PDE12: variants seen among roughly 807,000 people sequenced by gnomAD.
PDE12 encodes phosphodiesterase 12.
A neutral mutation model predicts 45.4 loss-of-function variants in PDE12; 26 were observed. The ratio of observed to expected loss-of-function variants is 0.57; its 90% CI spans 0.42 to 0.79. The LOEUF (loss-of-function observed/expected upper bound fraction) is 0.79, where lower values mean the gene tolerates loss of function less well. Among genes scored for constraint, PDE12 ranks in the 30% least tolerant of loss-of-function variants. PDE12 has a pLI of 0.00. For missense variants in PDE12, 668 were observed against 790.0 expected (o/e 0.85, Z 1.85); for synonymous variants, 283 against 323.9 (o/e 0.87, Z 1.36).
the PDE12 span, among the ~76,000 whole-genome samples, chr3:57,583,153 C>A: frequency 6.6e-6 from 1 of 152,216 alleles, no homozygotes; most frequent in African/African-American, 2.4e-5. Context: ...AGTATCAGCA[C>A]AACCCGAGAA....
At chr3:57,632,026 T>TTC in the PDE12 span, among the ~76,000 whole-genome samples, 1 of 126,420 alleles carries the variant, frequency 7.9e-6, no homozygotes, top group East Asian at 2.5e-4. Context: ...CCGGCCTTTT[T>TTC]TTTTTTTTTT....
chr3:57,631,728 T>C, the PDE12 span, among the ~76,000 whole-genome samples: 4 of 143,926 alleles, frequency 2.8e-5, no homozygotes, highest in East Asian at 8.1e-4. Context: ...TTTTTTTTTT[T>C]TTTTTTTTTT....
At chr3:57,637,480 C>G in the PDE12 span, among the ~76,000 whole-genome samples, 2 of 152,136 alleles carry the variant, frequency 1.3e-5, no homozygotes, top group African/African-American at 4.8e-5. Flanking sequence ...TGTGCCTTCC[C>G]TCTTGGTTCT....
At chr3:57,636,776 A>C in the PDE12 span, among the ~76,000 whole-genome samples, 1 of 151,996 alleles carries the variant, frequency 6.6e-6, no homozygotes, top group Non-Finnish European at 1.5e-5. Flanking sequence ...GTCTCCACTA[A>C]AAATACAAAA....
the PDE12 span, among the ~76,000 whole-genome samples, chr3:57,599,600 A>T: frequency 1.3e-5 from 2 of 152,214 alleles, no homozygotes; most frequent in African/African-American, 4.8e-5. Context: ...TCTGTTCTCC[A>T]TCTCTAGCCT....
At chr3:57,597,246 A>C in the PDE12 span, 6 of 1,133,728 alleles carry the variant, frequency 5.3e-6, no homozygotes, top group Non-Finnish European at 7.7e-6. Flanking sequence ...GAAGAGAAAG[A>C]GCGGAGGAAG....
chr3:57,599,007 A>G, the PDE12 span, among the ~76,000 whole-genome samples: 1 of 152,198 alleles, frequency 6.6e-6, no homozygotes, highest in African/African-American at 2.4e-5. Flanking sequence ...AGTTGAGGAC[A>G]CGCGTCCATG....
In PDE12 at chr3:57,556,396, G is replaced by T. The variant is rs2069658401; in HGVS notation, c.17G>T (p.Gly6Val). MWRLP[G>V]ARAALRVIRT... ...ACCAGGTTCATGTGGAGGCTCCCAG[G>T]CGCCCGCGCCGCGCTTCGGGTGATC... The change falls in exon 1 of 3, where the codon GGC (glycine) becomes GTC (valine). Residue 6 changes from glycine to valine, a missense_variant. Physicochemically the swap from Gly to Val is moderately radical, Grantham distance 109 (BLOSUM62 -3). This residue lies in a region of PDE12 where 580 missense variants were observed against 662.9 expected (regional missense o/e 0.87). Coordinates refer to ENST00000311180, the MANE Select transcript of PDE12 (RefSeq NM_177966.7). This position sits in a 1 kb window ranked among gnomAD's most constrained non-coding sequence, Gnocchi z 5.0. 2 of 1,588,672 alleles carry T rather than the reference G, an allele frequency of 1.3e-6. No individual in the cohort carries two copies. Among genetic ancestry groups the T allele is most frequent in the Admixed American group, 3.5e-5 (2 of 56,366 alleles).
chr3:57,608,475 G>C, the PDE12 span, among the ~76,000 whole-genome samples: 1 of 152,038 alleles, frequency 6.6e-6, no homozygotes, highest in Non-Finnish European at 1.5e-5. Flanking sequence ...CCATCAGTGT[G>C]CTGTATTCAG....
chr3:57,557,374 A>G lies in PDE12; in HGVS notation c.995A>G (p.Gln332Arg), dbSNP rs149618070. Residue 332 changes from glutamine to arginine, a missense_variant, in exon 1 of 3, where the codon CAG becomes CGG. This residue lies in a region of PDE12 where 580 missense variants were observed against 662.9 expected (regional missense o/e 0.87). Transcript: ENST00000311180. ...TACGCCCTGGAGCTCGACTACCGCC[A>G]GAACCTTATCCAGAAGGAACTCACC... ...APYALELDYR[Q>R]NLIQKELTGY... 2.5e-4 allele frequency: 405 copies of G among 1,613,910 alleles called. No homozygotes were observed. Among genetic ancestry groups the G allele is most frequent in the Non-Finnish European group, 3.4e-4 (400 of 1,180,022 alleles).
chr3:57,621,268 G>A, the PDE12 span, among the ~76,000 whole-genome samples: 1 of 152,088 alleles, frequency 6.6e-6, no homozygotes, highest in East Asian at 1.9e-4. Flanking sequence ...TGGGACAATT[G>A]GATATTCATA....
At chr3:57,604,615 TTTG>T in the PDE12 span, among the ~76,000 whole-genome samples, 1,286 of 23,456 alleles carry the variant, frequency 0.055, 28 homozygotes, top group Non-Finnish European at 0.097. Flanking sequence ...TTTTTTTTTT[TTTG>T]GGGGGGGTGG....
chr3:57,578,777 C>T, the PDE12 span, among the ~76,000 whole-genome samples: 113,720 of 151,978 alleles, frequency 0.75, 44,632 homozygotes, highest in East Asian at 1. Context: ...TGGCACCTGG[C>T]CCATTATTAG....
chr3:57,590,793 C>T, the PDE12 span, among the ~76,000 whole-genome samples: 5 of 152,264 alleles, frequency 3.3e-5, no homozygotes, highest in South Asian at 4.1e-4. Flanking sequence ...ATCCTCCCAC[C>T]TCAGCCTCCC....
the PDE12 span, among the ~76,000 whole-genome samples, chr3:57,599,799 A>G: frequency 2.6e-5 from 4 of 152,020 alleles, no homozygotes; most frequent in Non-Finnish European, 5.9e-5. Flanking sequence ...AGCTAAAAGC[A>G]GTGGAACAGC....
At chr3:57,609,495 A>T in the PDE12 span, among the ~76,000 whole-genome samples, 1 of 152,196 alleles carries the variant, frequency 6.6e-6, no homozygotes, top group Non-Finnish European at 1.5e-5. Flanking sequence ...TGCAAGCAAG[A>T]CTAATAAGAA....
At chr3:57,611,736 CAG>C in the PDE12 span, among the ~76,000 whole-genome samples, 1 of 152,166 alleles carries the variant, frequency 6.6e-6, no homozygotes, top group Non-Finnish European at 1.5e-5. Context: ...CAGGAAACAA[CAG>C]GTGCTAGAGA....
chr3:57,654,237 G>A, the PDE12 span, among the ~76,000 whole-genome samples: 120 of 152,040 alleles, frequency 7.9e-4, 1 homozygote, highest in African/African-American at 2.4e-3. Context: ...TTACAGGTGT[G>A]AGCCACCGTG....
At chr3:57,647,294 AAAC>A in the PDE12 span, among the ~76,000 whole-genome samples, 3 of 152,186 alleles carry the variant, frequency 2.0e-5, no homozygotes, top group Non-Finnish European at 4.4e-5. Flanking sequence ...CAAAAGAAAC[AAAC>A]AACAACAAAA....
Sources: gnomAD v4.1 joint callset for allele counts (sites outside exome capture counted in the v4.1 genomes callset) on GRCh38, gnomAD v4.1.1 for gene constraint, gnomAD v4.1.1 regional missense constraint, Gnocchi (gnomAD v3.1) non-coding constraint, MANE v1.5 for transcripts, NCBI Gene and HGNC (gene_info 2026-07-23, HGNC 2026-07-21) for gene names.